NEB: variants seen among roughly 807,000 people sequenced by gnomAD.
NEB encodes nebulin, also known as nemaline myopathy type 2.
A neutral mutation model predicts 952.2 loss-of-function variants in NEB; 512 were observed. The observed-to-expected ratio is 0.54, with a 90% CI of 0.50 to 0.58. NEB has a LOEUF of 0.58. NEB is among the 20% of genes least tolerant of loss of function. The pLI is 0.00. For synonymous variants in NEB, 2,900 were observed against 3,149.8 expected (o/e 0.92, Z 2.66); for missense variants, 8,428 against 9,231.1 (o/e 0.91, Z 3.56).
intron 10 of NEB, 44 bp downstream of exon 10, chr2:151,717,372 G>T: frequency 7.9e-7 from 1 of 1,258,594 alleles, no homozygotes; most frequent in Non-Finnish European, 1.1e-6. Flanking sequence ...AAATTATTAA[G>T]CAGAGTCTTC....
intron 46 of NEB, among the ~76,000 whole-genome samples, chr2:151,661,358 GA>G (rs1416948749): frequency 6.6e-6 from 1 of 152,162 alleles, no homozygotes; most frequent in Non-Finnish European, 1.5e-5. Flanking sequence ...ATTCTCTGAA[GA>G]CTCCAGGGGG....
chr2:151,692,422 A>C (rs752349894), intron 20 of NEB, 60 bp from the exon 21 acceptor site: 7 of 1,307,080 alleles, frequency 5.4e-6, no homozygotes, highest in Admixed American at 1.9e-5. Flanking sequence ...ATAAAGTAAA[A>C]GTCATTCATG....
intron 5 of NEB, 68 bp from the exon 6 acceptor site, chr2:151,725,628 A>C: frequency 4.1e-6 from 5 of 1,228,930 alleles, no homozygotes; most frequent in Non-Finnish European, 5.9e-6. Flanking sequence ...TACTCACCCC[A>C]TTTGATAAAA....
chr2:151,620,983 T>C lies in NEB; in HGVS notation c.10496A>G (p.Tyr3499Cys), dbSNP rs1275796666. The change falls in exon 72 of 182, where the codon TAT becomes TGT. Residue 3499 changes from tyrosine (Y) to cysteine (C), a missense_variant. Coordinates refer to ENST00000397345, the MANE Select transcript of NEB (RefSeq NM_001164508.2). ...GGGAATGGCATCACTTCTCAAGTCA[T>C]AGCCTTCTTTCTTGGCTTCTTCCAT... is the stretch of plus-strand genomic sequence containing the variant. Reference protein sequence around the residue: ...QAMEEAKKEGYDLRSDAIPIV... With the variant: ...QAMEEAKKEGCDLRSDAIPIV... 2.5e-6 allele frequency: 4 copies of C among 1,612,848 alleles called. No homozygotes were observed. Among genetic ancestry groups the C allele is most frequent in the South Asian group, 1.1e-5 (1 of 90,732 alleles).
At chr2:151,497,559 T>C in intron 171 of NEB, 67 bp downstream of exon 171, 2 of 1,528,726 alleles carry the variant, frequency 1.3e-6, no homozygotes, top group Non-Finnish European at 1.8e-6. Flanking sequence ...TAATACGTAT[T>C]ATTTTAAATC....
Position 151,729,676 on chromosome 2 carries a change from G to T in NEB, c.37-20C>A, listed in dbSNP as rs2099800974. ...GTAGTACTGTAAATAGAGCACAAAG[G>T]CATTGGCAAGAGAACCAAAGCAGAA... On this transcript the variant is annotated intron_variant, in intron 3 of 181. Coordinates refer to ENST00000397345, the MANE Select transcript of NEB (RefSeq NM_001164508.2). 6.2e-7 allele frequency: 1 copy of T among 1,612,862 alleles called. No homozygotes were observed. The highest frequency in any genetic ancestry group is 1.3e-5 in the African/African-American group (1 of 74,850).
chr2:151,503,305 T>C (rs1029807611), intron 166 of NEB, 44 bp downstream of exon 166: 2 of 1,435,654 alleles, frequency 1.4e-6, no homozygotes, highest in African/African-American at 1.4e-5. Context: ...TTGTGGTAAA[T>C]TTTTTATGGG....
At position 151,551,831 on chromosome 2, in the gene NEB, A is replaced by T. The variant is rs2095359371; in HGVS notation, c.19851T>A (p.Tyr6617Ter). The T allele has an allele frequency of 1.9e-6, 3 of 1,612,418 alleles. No homozygotes were observed. Among genetic ancestry groups the T allele is most frequent in the Non-Finnish European group, 1.7e-6 (2 of 1,178,958 alleles). ...TGCCTCTGACACTGTGCACATAGTC[A>T]TAGTGGTAGACAGCCTGGTGCAGAA... Reference protein sequence around the residue: ...GKQLSDAVYHYDYVHSVRGKV... With the variant: ...GKQLSDAVYH Residue 6617 changes from tyrosine to a stop codon, truncating the protein, a stop_gained, in exon 129 of 182, where the codon TAT (tyrosine) becomes TAA (stop). Coordinates refer to ENST00000397345, the MANE Select transcript of NEB (RefSeq NM_001164508.2). LOFTEE classifies it high-confidence loss of function.
At chr2:151,727,425 T>G (rs987174011) in intron 5 of NEB, among the ~76,000 whole-genome samples, 1 of 152,228 alleles carries the variant, frequency 6.6e-6, no homozygotes, top group African/African-American at 2.4e-5. Flanking sequence ...CTAATAGTGA[T>G]TAAATACCAA....
chr2:151,518,122 A>G (rs1212332228), intron 156 of NEB, among the ~76,000 whole-genome samples, 196 bp downstream of exon 156: 1 of 152,214 alleles, frequency 6.6e-6, no homozygotes, highest in Non-Finnish European at 1.5e-5. Flanking sequence ...ACATAATTGC[A>G]TGTATATTTC....
intron 102 of NEB, 111 bp from the exon 103 acceptor site, chr2:151,581,698 A>T: frequency 1.6e-6 from 2 of 1,234,194 alleles, no homozygotes; most frequent in East Asian, 2.6e-5. Context: ...GATGAAAAAA[A>T]TTTTAAGTGA....
chr2:151,639,499 CATTA>C, intron 62 of NEB, 115 bp from the exon 63 acceptor site: 1 of 744,898 alleles, frequency 1.3e-6, no homozygotes, highest in Non-Finnish European at 2.0e-6. Context: ...GTTTTATACA[CATTA>C]TGTGTTTTAT....
chr2:151,538,468 G>T (rs1437200573), intron 138 of NEB, among the ~76,000 whole-genome samples: 1 of 152,092 alleles, frequency 6.6e-6, no homozygotes, highest in African/African-American at 2.4e-5. Flanking sequence ...TATCAATCTT[G>T]GTTCACTGAT....
In NEB at chr2:151,496,322, G is replaced by C. The variant is rs2060148533; in HGVS notation, c.24440C>G (p.Thr8147Ser). Residue 8147 changes from threonine to serine, a missense_variant, in exon 173 of 182, where the codon ACT (threonine) becomes AGT (serine). Around this residue, in one of 11 missense-constraint regions of NEB, gnomAD observed 3,374 missense variants for 3,651.5 expected, o/e 0.92. Transcript: ENST00000397345. ...GTGTTTGACTCGCTCCATCTCGGGA[G>C]TGACAGCTAAAGGAGTTCCCTTGCC... ...NMGKGTPLAV[T>S]PEMERVKHNQ... is the part of the protein sequence containing the mutation. The C allele has an allele frequency of 6.2e-7, 1 of 1,612,576 alleles. No homozygotes were observed. The highest frequency in any genetic ancestry group is 8.5e-7 in the Non-Finnish European group (1 of 1,179,222).
intron 10 of NEB, chr2:151,716,121 A>ACTTT (rs2099758363): frequency 2.3e-6 from 1 of 431,198 alleles, no homozygotes; most frequent in Non-Finnish European, 4.6e-6. Flanking sequence ...CAATATCAAC[A>ACTTT]CTTTCTTTCT....
intron 147 of NEB, 102 bp downstream of exon 147, chr2:151,527,379 G>C: frequency 1.0e-6 from 1 of 987,306 alleles, no homozygotes; most frequent in Non-Finnish European, 1.5e-6. Context: ...TCTCAAACGA[G>C]CAAGGGTTAA....
chr2:151,506,861 G>GT, intron 163 of NEB, 48 bp downstream of exon 163: 1 of 1,212,952 alleles, frequency 8.2e-7, no homozygotes, highest in Admixed American at 1.7e-5. Flanking sequence ...AAAGAGGAGA[G>GT]TGAAATGACT....
chr2:151,660,037 C>G lies in NEB; in HGVS notation c.5971-868G>C, dbSNP rs117353554. ...TCATTCAAGGAAGGACCTGATTCCC[C>G]AACTTTTGGCAAATAGTCTCCAGTC... On this transcript the variant is annotated intron_variant, in intron 46 of 181. Coordinates refer to ENST00000397345, the MANE Select transcript of NEB (RefSeq NM_001164508.2). 2.4e-3 allele frequency among the ~76,000 whole-genome samples: 365 copies of G among 152,264 alleles called. 15 individuals are homozygous for G. The East Asian group carries it at 0.063, about 26-fold the overall frequency.
chr2:151,620,587 T>G (rs1391672943), intron 72 of NEB, among the ~76,000 whole-genome samples: 1 of 151,992 alleles, frequency 6.6e-6, no homozygotes, highest in African/African-American at 2.4e-5. Flanking sequence ...CAGTTAAGCC[T>G]GCTTCTTTTC....
Sources: gnomAD v4.1 joint callset for allele counts (sites outside exome capture counted in the v4.1 genomes callset) on GRCh38, gnomAD v4.1.1 for gene constraint, gnomAD v4.1.1 regional missense constraint, MANE v1.5 for transcripts, NCBI Gene and HGNC (gene_info 2026-07-23, HGNC 2026-07-21) for gene names.